The following CYP39A1 variants were observed in gnomAD, a reference collection of about 807,000 sequenced individuals.
The protein encoded by CYP39A1 is 24-hydroxycholesterol 7-alpha-hydroxylase.
In CYP39A1, 49 loss-of-function variants were observed where a neutral mutation model predicts 58.1. That is an observed-to-expected ratio of 0.84 (90% CI 0.67 to 1.07). The LOEUF (loss-of-function observed/expected upper bound fraction) is 1.07. Among genes scored for constraint, CYP39A1 ranks in the 50% least tolerant of loss-of-function variants. The pLI is 0.00. For synonymous variants in CYP39A1, 209 were observed against 187.6 expected (o/e 1.11, Z -0.93); for missense variants, 531 against 539.4 (o/e 0.98, Z 0.16).
At chr6:46,570,931 T>C (rs1771556559) in intron 10 of CYP39A1, among the ~76,000 whole-genome samples, 1 of 152,200 alleles carries the variant, frequency 6.6e-6, no homozygotes, top group African/African-American at 2.4e-5. Context: ...CAGATATGTT[T>C]CCATTTTTAC....
intron 10 of CYP39A1, among the ~76,000 whole-genome samples, chr6:46,554,921 G>C (rs1392477351): frequency 1.3e-5 from 2 of 151,880 alleles, no homozygotes; most frequent in African/African-American, 4.8e-5. Flanking sequence ...CTGGATTACT[G>C]AATCAATTTA....
At chr6:46,651,031 G>C (rs1215912060) in intron 1 of CYP39A1, among the ~76,000 whole-genome samples, 3 of 152,164 alleles carry the variant, frequency 2.0e-5, no homozygotes, top group Admixed American at 2.0e-4. Flanking sequence ...GTATGGCCCA[G>C]GATTTGAGAA....
intron 10 of CYP39A1, among the ~76,000 whole-genome samples, chr6:46,570,705 G>A (rs1771539904): frequency 6.6e-6 from 1 of 152,128 alleles, no homozygotes; most frequent in Non-Finnish European, 1.5e-5. Flanking sequence ...GAGCCAGCAT[G>A]CAACACAGGG....
intron 10 of CYP39A1, among the ~76,000 whole-genome samples, chr6:46,573,170 C>T (rs1033096826): frequency 2.0e-5 from 3 of 152,070 alleles, no homozygotes; most frequent in Admixed American, 6.5e-5. Context: ...TTTAGGGTTT[C>T]GCATTGGAAA....
chr6:46,596,024 AC>A lies in CYP39A1; in HGVS notation c.1027del (p.Val343SerfsTer7), dbSNP rs752642585. ...LETIRLKAPG[V>X]ITRKVVKPVE... ...AGGCTTCACCACTTTTCTAGTAATG[AC>A]ACCAGGAGCTTTTAAACGAATGGTT... On this transcript the variant is annotated frameshift_variant, in exon 8 of 12. Transcript: ENST00000275016. LOFTEE classifies it high-confidence loss of function. 3 of 1,611,210 alleles carry A rather than the reference AC, an allele frequency of 1.9e-6. No individual in the cohort carries two copies. The South Asian group carries it at 3.3e-5, about 18-fold the overall frequency.
intron 7 of CYP39A1, among the ~76,000 whole-genome samples, chr6:46,609,868 T>C (rs1205953822): frequency 1.3e-5 from 2 of 152,260 alleles, no homozygotes; most frequent in African/African-American, 4.8e-5. Context: ...CTTTTGTAAT[T>C]GCACACGTTT....
intron 10 of CYP39A1, chr6:46,583,513 T>C (rs1772273794): frequency 7.1e-6 from 7 of 985,382 alleles, no homozygotes; most frequent in Non-Finnish European, 8.4e-6. Context: ...ATAATGAGAC[T>C]CTTCACTTTG....
intron 10 of CYP39A1, among the ~76,000 whole-genome samples, chr6:46,566,847 TATAC>T (rs1335868824): frequency 6.6e-6 from 1 of 151,856 alleles, no homozygotes; most frequent in African/African-American, 2.4e-5. Flanking sequence ...TATATATATA[TATAC>T]ACACACATAC....
chr6:46,608,345 C>T (rs2150545045), intron 7 of CYP39A1, among the ~76,000 whole-genome samples: 1 of 152,154 alleles, frequency 6.6e-6, no homozygotes, highest in Admixed American at 6.5e-5. Flanking sequence ...AGATAAGATT[C>T]TACAAAGTCA....
chr6:46,571,109 T>G (rs1458375707), intron 10 of CYP39A1, among the ~76,000 whole-genome samples: 1 of 152,196 alleles, frequency 6.6e-6, no homozygotes, highest in South Asian at 2.1e-4. Context: ...CCTTCAACTT[T>G]CTTAAATTTT....
At chr6:46,609,320 G>A (rs779085069) in intron 7 of CYP39A1, among the ~76,000 whole-genome samples, 8 of 151,536 alleles carry the variant, frequency 5.3e-5, no homozygotes, top group Non-Finnish European at 8.8e-5. Context: ...AGAGAATGGC[G>A]TGAACCCGGG....
rs745732643 is a variant in CYP39A1, at chr6:46,588,125, T to C, written c.1070A>G (p.Tyr357Cys). The change falls in exon 9 of 12, where the codon TAC becomes TGC. Residue 357 changes from tyrosine (Y) to cysteine (C), a missense_variant. Physicochemically the swap from Tyr to Cys is radical, Grantham distance 194. Coordinates refer to ENST00000275016, the MANE Select transcript of CYP39A1 (RefSeq NM_016593.5). Reference sequence around the variant, plus strand: ...CAACAAGTCACCAGAAGGAATGATGTAATTCTATAACAGAAAAATCAGCTG... The same window carrying C: ...CAACAAGTCACCAGAAGGAATGATGCAATTCTATAACAGAAAAATCAGCTG... ...KVVKPVEILNYIIPSGDLLML... is the reference protein window; with the variant it reads ...KVVKPVEILNCIIPSGDLLML... 3 of 1,576,014 alleles carry C rather than the reference T, an allele frequency of 1.9e-6. No individual in the cohort carries two copies. The highest frequency in any genetic ancestry group is 1.2e-5 in the South Asian group (1 of 84,344).
At position 46,631,085 on chromosome 6, in the gene CYP39A1, T is replaced by A; in HGVS notation, c.733-15A>T. ...TGCAATAATGTCTGTTTAAAAGAAA[T>A]AAACATTGCCAAACCATGGCTATGT... On this transcript the variant is annotated splice_polypyrimidine_tract_variant and intron_variant, in intron 5 of 11. Coordinates refer to ENST00000275016, the MANE Select transcript of CYP39A1 (RefSeq NM_016593.5). 1 of 1,575,724 alleles carries A rather than the reference T, an allele frequency of 6.3e-7. No individual in the cohort carries two copies. The highest frequency in any genetic ancestry group is 8.7e-7 in the Non-Finnish European group (1 of 1,146,744).
intron 10 of CYP39A1, among the ~76,000 whole-genome samples, chr6:46,567,337 C>G (rs1315209682): frequency 7.2e-6 from 1 of 138,340 alleles, no homozygotes; most frequent in Non-Finnish European, 1.5e-5. Context: ...AAAAATATTC[C>G]ATATATATAT....
intron 6 of CYP39A1, among the ~76,000 whole-genome samples, chr6:46,629,347 C>G (rs897121861): frequency 6.6e-6 from 1 of 152,154 alleles, no homozygotes; most frequent in Non-Finnish European, 1.5e-5. Context: ...ACAGGAGTGC[C>G]TGTTTTGTTG....
At chr6:46,566,754 A>G (rs888750748) in intron 10 of CYP39A1, among the ~76,000 whole-genome samples, 2 of 152,100 alleles carry the variant, frequency 1.3e-5, no homozygotes, top group African/African-American at 4.8e-5. Context: ...TATTTTATTT[A>G]TAGCTCATTG....
intron 2 of CYP39A1, among the ~76,000 whole-genome samples, chr6:46,640,792 G>C (rs1776285525): frequency 7.7e-6 from 1 of 129,070 alleles, no homozygotes; most frequent in South Asian, 2.4e-4. Context: ...CCCTCTAGTA[G>C]TCCCCTGTGT....
chr6:46,610,167 T>C (rs560387124), intron 7 of CYP39A1, among the ~76,000 whole-genome samples: 1 of 152,226 alleles, frequency 6.6e-6, no homozygotes, highest in Non-Finnish European at 1.5e-5. Flanking sequence ...GTTTTAGTTT[T>C]GAAAGAGAAG....
chr6:46,564,329 G>A (rs907445780), intron 10 of CYP39A1, among the ~76,000 whole-genome samples: 1 of 151,782 alleles, frequency 6.6e-6, no homozygotes, highest in African/African-American at 2.4e-5. Flanking sequence ...AAGTAGCTGG[G>A]ATTATAGGCA....
Sources: allele counts gnomAD v4.1 joint callset (sites outside exome capture counted in the v4.1 genomes callset), GRCh38; gene constraint gnomAD v4.1.1; transcripts MANE v1.5; gene names NCBI Gene and HGNC (gene_info 2026-07-23, HGNC 2026-07-21).